The following SLU7 variants were observed in gnomAD, a reference collection of about 807,000 sequenced individuals.
SLU7 encodes spliceosome associated SLU7.
In SLU7, 60 loss-of-function variants were observed where a neutral mutation model predicts 87.0. That is an observed-to-expected ratio of 0.69 (90% CI 0.56 to 0.86). SLU7 has a LOEUF of 0.86. Among genes scored for constraint, SLU7 ranks in the 40% least tolerant of loss-of-function variants. The pLI, the probability that SLU7 is intolerant of heterozygous loss-of-function variation, is 0.00. For synonymous variants in SLU7, 197 were observed against 222.0 expected, an observed-to-expected ratio of 0.89 and a Z score of 1.00; for missense variants, 507 against 686.6, an observed-to-expected ratio of 0.74 and a Z score of 2.92.
intron 1 of SLU7, among the ~76,000 whole-genome samples, chr5:160,417,465 A>G (rs900962841): frequency 2.6e-5 from 4 of 152,222 alleles, no homozygotes; most frequent in Non-Finnish European, 5.9e-5. Flanking sequence ...TCCAGTCTCA[A>G]TAACCACAAG....
At chr5:160,403,602 T>C in intron 15 of SLU7, 138 bp from the exon 16 acceptor site, 1 of 577,584 alleles carries the variant, frequency 1.7e-6, no homozygotes. Context: ...AGCTTTGGAG[T>C]CAGCCCTTCT....
intron 12 of SLU7, among the ~76,000 whole-genome samples, chr5:160,405,565 C>T (rs1487614028): frequency 1.4e-5 from 2 of 141,268 alleles, no homozygotes; most frequent in Non-Finnish European, 3.1e-5. Context: ...AGGTTTTTGA[C>T]CCTCAACTAA....
At position 160,407,600 on chromosome 5, in the gene SLU7, G is replaced by A; in HGVS notation, c.1001C>T (p.Ala334Val). 6.2e-7 allele frequency: 1 copy of A among 1,612,520 alleles called. No homozygotes were observed. The highest frequency in any genetic ancestry group is 8.5e-7 in the Non-Finnish European group (1 of 1,179,506). Residue 334 changes from alanine to valine, a missense_variant, in exon 11 of 16, where the codon GCC (alanine) becomes GTC (valine). Ala to Val is a moderately conservative substitution (Grantham distance 64). Around this residue, in one of 6 missense-constraint regions of SLU7, gnomAD observed 49 missense variants for 144.1 expected, o/e 0.34. Coordinates refer to ENST00000297151, the MANE Select transcript of SLU7 (RefSeq NM_006425.5). This position sits in a 1 kb window ranked among gnomAD's most constrained non-coding sequence, Gnocchi z 4.2. ...MAQTQLFAWE[A>V]YDKGSEVHLQ... ...ATGCACTTCAGATCCCTTGTCATAGGCTTCCCATGCAAACACTAGAGTAAT... is the reference window on the plus strand; with the variant it reads ...ATGCACTTCAGATCCCTTGTCATAGACTTCCCATGCAAACACTAGAGTAAT...
In SLU7 at chr5:160,403,467, A is replaced by G. The variant is rs369489859; in HGVS notation, c.1582-3T>C. 2.5e-6 allele frequency: 4 copies of G among 1,592,086 alleles called. No homozygotes were observed. Among genetic ancestry groups the G allele is most frequent in the East Asian group, 2.3e-5 (1 of 44,032 alleles). ...CGGGCCTCCTCTGCGTTCAGTGCCT[A>G]TAGTGAGAGGAATAAAATGTGTATC... On this transcript the variant is annotated splice_region_variant and splice_polypyrimidine_tract_variant and intron_variant, in intron 15 of 15. Coordinates refer to ENST00000297151, the MANE Select transcript of SLU7 (RefSeq NM_006425.5).
At chr5:160,414,690 G>C (rs1765379959) in intron 2 of SLU7, among the ~76,000 whole-genome samples, 1 of 152,030 alleles carries the variant, frequency 6.6e-6, no homozygotes, top group South Asian at 2.1e-4. Flanking sequence ...AAGAAACTAA[G>C]AATAGTGATA....
chr5:160,404,082 T>G (rs965420661), intron 15 of SLU7, among the ~76,000 whole-genome samples: 12 of 152,240 alleles, frequency 7.9e-5, no homozygotes, highest in African/African-American at 2.6e-4. Flanking sequence ...CAAATAATAC[T>G]GGCAAGAACG....
chr5:160,406,238 T>G, intron 12 of SLU7: 1 of 363,124 alleles, frequency 2.8e-6, no homozygotes, highest in Non-Finnish European at 4.9e-6. Context: ...AGACAAAGCA[T>G]ATAAGGCAAT....
Position 160,406,625 on chromosome 5 carries a change from C to G in SLU7, c.1130G>C (p.Gly377Ala). Residue 377 changes from glycine to alanine, a missense_variant, in exon 12 of 16, where the codon GGT (glycine) becomes GCT (alanine). Gly to Ala is a moderately conservative substitution (Grantham distance 60). Coordinates refer to ENST00000297151, the MANE Select transcript of SLU7 (RefSeq NM_006425.5). ...QQKESILEKYGGQEHLDAPPA... is the reference protein window; with the variant it reads ...QQKESILEKYAGQEHLDAPPA... ...AGGGGCATCCAAATGTTCTTGGCCA[C>G]CATACTAAAAGGACATTGGACATTA... 1 of 1,602,208 alleles carries G rather than the reference C, an allele frequency of 6.2e-7. No homozygotes were observed. The highest frequency in any genetic ancestry group is 8.5e-7 in the Non-Finnish European group (1 of 1,175,274).
chr5:160,403,875 T>C (rs1764889674), intron 15 of SLU7, among the ~76,000 whole-genome samples: 1 of 152,170 alleles, frequency 6.6e-6, no homozygotes, highest in South Asian at 2.1e-4. Context: ...AACTCTAAAA[T>C]GCTTTAGAAT....
rs112273613 is a variant in SLU7 at position 160,404,983 on chromosome 5, G to T, written c.1392+48C>A. 6 of 1,544,150 alleles carry T rather than the reference G, an allele frequency of 3.9e-6. No individual in the cohort carries two copies. In the African/African-American group the frequency reaches 5.4e-5, roughly 14 times the overall value. On this transcript the variant is annotated intron_variant, in intron 13 of 15. Coordinates refer to ENST00000297151, the MANE Select transcript of SLU7 (RefSeq NM_006425.5). ...AGACAGCATGTTTTAGTTTGACTTAGGAGCTTCGGTTGTTTTATACCTTTA... is the reference window on the plus strand; with the variant it reads ...AGACAGCATGTTTTAGTTTGACTTATGAGCTTCGGTTGTTTTATACCTTTA...
At chr5:160,416,800 CA>C (rs1362737057) in intron 1 of SLU7, among the ~76,000 whole-genome samples, 1 of 152,184 alleles carries the variant, frequency 6.6e-6, no homozygotes. Flanking sequence ...TTTCAAAACA[CA>C]AATCTGATCA....
intron 11 of SLU7, 91 bp from the exon 12 acceptor site, chr5:160,406,720 GGGAA>G: frequency 3.7e-6 from 4 of 1,082,918 alleles, no homozygotes; most frequent in South Asian, 1.7e-5. Context: ...CAGAAAGAAA[GGGAA>G]CATTCTTTAC....
chr5:160,415,429 G>A (rs974459283), intron 1 of SLU7, 119 bp from the exon 2 acceptor site: 3 of 658,650 alleles, frequency 4.6e-6, no homozygotes, highest in Admixed American at 3.8e-5. Context: ...CCTATATTAT[G>A]TGTAAGGAAG....
rs756467445 is a variant in SLU7 at position 160,413,925 on chromosome 5, T to C, written c.379A>G (p.Thr127Ala). The C allele has an allele frequency of 1.2e-6, 2 of 1,602,854 alleles. No homozygotes were observed. The highest frequency in any genetic ancestry group is 1.7e-5 in the Admixed American group (1 of 58,060). The change falls in exon 4 of 16, where the codon ACA becomes GCA. Residue 127 changes from threonine (T) to alanine (A), a missense_variant. Physicochemically the swap from Thr to Ala is moderately conservative, Grantham distance 58 (BLOSUM62 0). Coordinates refer to ENST00000297151, the MANE Select transcript of SLU7 (RefSeq NM_006425.5). The part of the protein sequence containing the change: ...KGACENCGAM[T>A]HKKKDCFERP... ...TCAAAGCAGTCTTTCTTTTTGTGTG[T>C]CATGGCCCCACAATTTTCACATGCT...
rs1164958808 is a variant in SLU7 at position 160,404,477 on chromosome 5, C to T, written c.1544G>A (p.Ser515Asn). Residue 515 changes from serine (S) to asparagine (N), a missense_variant, in exon 15 of 16, where the codon AGT becomes AAT. Physicochemically the swap from Ser to Asn is conservative, Grantham distance 46. This residue lies in a region of SLU7 where 201 missense variants were observed against 213.4 expected (regional missense o/e 0.94). Coordinates refer to ENST00000297151, the MANE Select transcript of SLU7 (RefSeq NM_006425.5). ...KKKHRKSSSDSDDEEKKHEKL... is the reference protein window; with the variant it reads ...KKKHRKSSSDNDDEEKKHEKL... The stretch of plus-strand genomic sequence containing the variant: ...TTCATGCTTCTTTTCTTCATCATCA[C>T]TATCTGAACTGCTCTTTCGATGCTT... 1 of 1,610,016 alleles carries T rather than the reference C, an allele frequency of 6.2e-7. No individual in the cohort carries two copies. The highest frequency in any genetic ancestry group is 1.3e-5 in the African/African-American group (1 of 74,792).
chr5:160,416,289 C>T (rs1222522140), intron 1 of SLU7, among the ~76,000 whole-genome samples: 2 of 152,152 alleles, frequency 1.3e-5, no homozygotes, highest in African/African-American at 2.4e-5. Context: ...TTAAGCCACT[C>T]TAAACTCCCA....
At chr5:160,404,389 A>G (rs778738204) in intron 15 of SLU7, 51 bp downstream of exon 15, 14 of 1,193,534 alleles carry the variant, frequency 1.2e-5, no homozygotes, top group Non-Finnish European at 1.7e-5. Context: ...AACCCAAAAA[A>G]CAAAGAATAC....
At chr5:160,404,725 A>T in intron 14 of SLU7, 84 bp downstream of exon 14, 2 of 1,051,486 alleles carry the variant, frequency 1.9e-6, no homozygotes, top group East Asian at 4.8e-5. Flanking sequence ...ATTCTGTTTC[A>T]AAAGAAAAAA....
intron 4 of SLU7, 52 bp downstream of exon 4, chr5:160,413,847 A>G: frequency 7.7e-7 from 1 of 1,307,102 alleles, no homozygotes; most frequent in East Asian, 2.3e-5. Flanking sequence ...TCTGACAAAG[A>G]AAAAAGAAAG....
Sources: gnomAD v4.1 joint callset for allele counts (sites outside exome capture counted in the v4.1 genomes callset) on GRCh38, gnomAD v4.1.1 for gene constraint, gnomAD v4.1.1 regional missense constraint, Gnocchi (gnomAD v3.1) non-coding constraint, MANE v1.5 for transcripts, NCBI Gene and HGNC (gene_info 2026-07-23, HGNC 2026-07-21) for gene names.